The following RAP1GDS1 variants were observed in gnomAD, a reference collection of about 807,000 sequenced individuals.
RAP1GDS1 encodes the protein Rap1 GTPase-GDP dissociation stimulator 1, also known as RAP1, GTP-GDP dissociation stimulator 1.
RAP1GDS1 carries 35 observed loss-of-function variants against 71.1 expected under a neutral mutation model. That is an observed-to-expected ratio of 0.49 (90% CI 0.38 to 0.65). The LOEUF (loss-of-function observed/expected upper bound fraction) is 0.65, where lower values mean the gene tolerates loss of function less well. Among genes scored for constraint, RAP1GDS1 ranks in the 30% least tolerant of loss-of-function variants. RAP1GDS1 has a pLI of 0.00. For synonymous variants in RAP1GDS1, 229 were observed against 243.1 expected (o/e 0.94, Z 0.54); for missense variants, 663 against 706.1 (o/e 0.94, Z 0.69).
chr4:98,321,612 A>G (rs937147323), intron 2 of RAP1GDS1, among the ~76,000 whole-genome samples: 2 of 151,718 alleles, frequency 1.3e-5, no homozygotes, highest in African/African-American at 2.4e-5. Flanking sequence ...GGGGGCCAAT[A>G]TTCAACATTC....
At position 98,368,856 on chromosome 4, in the gene RAP1GDS1, C is replaced by T. The variant is rs1345921002; in HGVS notation, c.362-10161C>T. On this transcript the variant is annotated intron_variant, in intron 4 of 14. Transcript: ENST00000408927. ...CAGTTTGATATGCATGTACTGAAGT[C>T]CTCTTATTCACTCAGGAATACATTC... Among the ~76,000 whole-genome samples, 9 of 152,266 alleles carry T rather than the reference C, an allele frequency of 5.9e-5. No homozygotes were observed. The South Asian group carries it at 8.3e-4, about 14-fold the overall frequency.
chr4:98,314,336 G>C (rs1286956732), intron 2 of RAP1GDS1, among the ~76,000 whole-genome samples: 1 of 152,120 alleles, frequency 6.6e-6, no homozygotes, highest in Admixed American at 6.5e-5. Context: ...GAAAAACTTC[G>C]TTCTTAACTT....
intron 12 of RAP1GDS1, among the ~76,000 whole-genome samples, chr4:98,426,444 T>G (rs1749627403): frequency 6.6e-6 from 1 of 151,986 alleles, no homozygotes; most frequent in Non-Finnish European, 1.5e-5. Flanking sequence ...AAGCTGATTA[T>G]TTGAGAAGAT....
chr4:98,357,324 G>A (rs1052089894), intron 4 of RAP1GDS1, among the ~76,000 whole-genome samples: 1 of 151,878 alleles, frequency 6.6e-6, no homozygotes, highest in Non-Finnish European at 1.5e-5. Context: ...TCAGTAAGTA[G>A]CGTAAAAATA....
intron 2 of RAP1GDS1, 83 bp from the exon 3 acceptor site, chr4:98,343,056 C>A (rs1053389985): frequency 7.2e-6 from 10 of 1,393,646 alleles, no homozygotes; most frequent in Admixed American, 2.6e-5. Context: ...GGGAAAAATT[C>A]TTGAAGAATT....
At chr4:98,412,342 G>C (rs529028837) in intron 7 of RAP1GDS1, among the ~76,000 whole-genome samples, 1 of 152,164 alleles carries the variant, frequency 6.6e-6, no homozygotes, top group African/African-American at 2.4e-5. Context: ...GTGAGACCCT[G>C]TCTCTACAAA....
intron 2 of RAP1GDS1, among the ~76,000 whole-genome samples, chr4:98,328,098 A>G (rs1381680233): frequency 2.6e-5 from 4 of 152,224 alleles, no homozygotes; most frequent in Non-Finnish European, 5.9e-5. Flanking sequence ...GGTGAGACCT[A>G]TTGTAACCAT....
intron 12 of RAP1GDS1, among the ~76,000 whole-genome samples, chr4:98,424,797 T>A (rs1261723482): frequency 1.3e-5 from 2 of 149,846 alleles, no homozygotes; most frequent in Non-Finnish European, 3.0e-5. Flanking sequence ...CAAAGAAAAC[T>A]TTTGGAAAAC....
At chr4:98,351,654 A>C (rs531543915) in intron 3 of RAP1GDS1, among the ~76,000 whole-genome samples, 3 of 152,182 alleles carry the variant, frequency 2.0e-5, no homozygotes, top group East Asian at 1.9e-4. Context: ...AAATTTCATC[A>C]GTTACATACT....
intron 1 of RAP1GDS1, among the ~76,000 whole-genome samples, chr4:98,272,528 G>A (rs1266382120): frequency 3.3e-5 from 5 of 152,114 alleles, no homozygotes; most frequent in African/African-American, 7.2e-5. Context: ...GTGGTCGGAC[G>A]TTGTCATGGA....
intron 12 of RAP1GDS1, among the ~76,000 whole-genome samples, chr4:98,429,199 A>G (rs141865340): frequency 0.076 from 11,514 of 150,914 alleles, 485 homozygotes; most frequent in Admixed American, 0.14. Flanking sequence ...TGGAGCTTGC[A>G]GTGAGCCGAG....
chr4:98,336,994 A>G (rs1289216572), intron 2 of RAP1GDS1, among the ~76,000 whole-genome samples: 2 of 152,110 alleles, frequency 1.3e-5, no homozygotes, highest in African/African-American at 4.8e-5. Context: ...TCCCAGGTTC[A>G]AGCGATTCTT....
intron 2 of RAP1GDS1, among the ~76,000 whole-genome samples, chr4:98,294,399 AATTG>A (rs1305786688): frequency 1.3e-5 from 2 of 152,096 alleles, no homozygotes; most frequent in African/African-American, 4.8e-5. Flanking sequence ...AATCTAAAAT[AATTG>A]ATTGCAGTAC....
chr4:98,404,877 G>A (rs1745904696), intron 7 of RAP1GDS1, among the ~76,000 whole-genome samples: 1 of 152,106 alleles, frequency 6.6e-6, no homozygotes, highest in African/African-American at 2.4e-5. Flanking sequence ...GCAGCTGAGA[G>A]GCTGAGCTCT....
intron 2 of RAP1GDS1, among the ~76,000 whole-genome samples, chr4:98,317,814 A>G (rs1399178210): frequency 6.8e-6 from 1 of 147,336 alleles, no homozygotes; most frequent in Non-Finnish European, 1.5e-5. Context: ...ATATTTGACT[A>G]TATATATATA....
intron 13 of RAP1GDS1, among the ~76,000 whole-genome samples, chr4:98,434,822 T>C (rs1750929424): frequency 6.6e-6 from 1 of 152,088 alleles, no homozygotes; most frequent in Non-Finnish European, 1.5e-5. Context: ...GGTTTCACCA[T>C]GTTGGTCAGG....
At chr4:98,418,861 A>G (rs555841965) in intron 10 of RAP1GDS1, 70 bp downstream of exon 10, 27 of 1,401,434 alleles carry the variant, frequency 1.9e-5, no homozygotes, top group Non-Finnish European at 2.4e-5. Context: ...TATTAACTGT[A>G]TGTGATTTGT....
In RAP1GDS1 at chr4:98,406,384, G is replaced by A. The variant is rs1007976670; in HGVS notation, c.763+1782G>A. Among the ~76,000 whole-genome samples the A allele has an allele frequency of 2.0e-5, 3 of 151,836 alleles. No individual in the cohort carries two copies. In the South Asian group the frequency reaches 6.2e-4, roughly 31 times the overall value. On this transcript the variant is annotated intron_variant, in intron 7 of 14. Coordinates refer to ENST00000408927, the MANE Select transcript of RAP1GDS1 (RefSeq NM_001100427.2). ...TACCAGTGAAACCTAAGGAAGGCTG[G>A]GGTAGTTATATTAATATCAAGTAAA...
At chr4:98,407,251 T>C (rs1426277879) in intron 7 of RAP1GDS1, among the ~76,000 whole-genome samples, 1 of 152,114 alleles carries the variant, frequency 6.6e-6, no homozygotes, top group East Asian at 1.9e-4. Flanking sequence ...TCTTTTTTTT[T>C]GTTAATCTAG....
Sources: gnomAD v4.1 joint callset for allele counts (sites outside exome capture counted in the v4.1 genomes callset) on GRCh38, gnomAD v4.1.1 for gene constraint, MANE v1.5 for transcripts, NCBI Gene and HGNC (gene_info 2026-07-23, HGNC 2026-07-21) for gene names.